The following AMZ1 variants were observed in gnomAD, a reference collection of about 807,000 sequenced individuals.
AMZ1 encodes the protein archaelysin family metallopeptidase 1.
Under a neutral mutation model 29.9 loss-of-function variants are expected in AMZ1, and 39 were observed. The ratio of observed to expected loss-of-function variants is 1.30; its 90% CI spans 1.01 to 1.70. AMZ1 has a LOEUF of 1.70. AMZ1 is among the 40% of genes most tolerant of loss of function. The pLI, the probability that AMZ1 is intolerant of heterozygous loss-of-function variation, is 0.00. For synonymous variants in AMZ1, 458 were observed against 304.0 expected, an observed-to-expected ratio of 1.51 and a Z score of -5.27; for missense variants, 1,041 against 680.6, an observed-to-expected ratio of 1.53 and a Z score of -5.89.
upstream of AMZ1, among the ~76,000 whole-genome samples, chr7:2,683,679 C>T (rs927043253): frequency 6.6e-6 from 1 of 152,088 alleles, no homozygotes; most frequent in Non-Finnish European, 1.5e-5. Flanking sequence ...ACCTCGTGAT[C>T]CGCCTGCCTT....
chr7:2,687,098 G>T (rs1787109151), upstream of AMZ1, among the ~76,000 whole-genome samples: 1 of 151,954 alleles, frequency 6.6e-6, no homozygotes, highest in Non-Finnish European at 1.5e-5. Flanking sequence ...AGAGGCTGAG[G>T]CGGGTGTATC....
chr7:2,751,049 G>C (rs747448724), intron 4 of AMZ1, among the ~76,000 whole-genome samples: 5 of 152,152 alleles, frequency 3.3e-5, no homozygotes, highest in Non-Finnish European at 7.3e-5. Context: ...TTTATCTTGA[G>C]ATGTTGCCAC....
chr7:2,761,631 C>G (rs925881154), upstream of AMZ1, among the ~76,000 whole-genome samples: 8 of 152,206 alleles, frequency 5.3e-5, no homozygotes, highest in African/African-American at 1.9e-4. Context: ...GAACCGGCCT[C>G]TCAGGACGGA....
upstream of AMZ1, among the ~76,000 whole-genome samples, chr7:2,687,933 C>G (rs1383494207): frequency 6.6e-6 from 1 of 152,232 alleles, no homozygotes; most frequent in African/African-American, 2.4e-5. Flanking sequence ...GCCGGGTTTA[C>G]TCCTCTCACC....
At position 2,705,097 on chromosome 7, in the gene AMZ1, C is replaced by T. The variant is rs537262164; in HGVS notation, c.472+2208C>T. On this transcript the variant is annotated intron_variant, in intron 3 of 6. Transcript: ENST00000683327. ...TTGTTATTTTTGATTGTTAGTTACGCATCTTATTGGAAAAATTAGTTTAAC... is the reference window on the plus strand; with the variant it reads ...TTGTTATTTTTGATTGTTAGTTACGTATCTTATTGGAAAAATTAGTTTAAC... 2.6e-5 allele frequency among the ~76,000 whole-genome samples: 4 copies of T among 152,352 alleles called. No homozygotes were observed. The South Asian group carries it at 8.3e-4, about 32-fold the overall frequency.
At chr7:2,685,070 T>C (rs183901527), upstream of AMZ1, among the ~76,000 whole-genome samples, 829 of 151,578 alleles carry the variant, frequency 5.5e-3, 6 homozygotes, top group Middle Eastern at 0.031. Context: ...GGAGTTTCAC[T>C]GTGTTAGCCA....
intron 4 of AMZ1, among the ~76,000 whole-genome samples, chr7:2,733,994 G>C (rs1451184563): frequency 1.3e-5 from 2 of 152,236 alleles, no homozygotes; most frequent in African/African-American, 2.4e-5. Flanking sequence ...CCAGTTTCTA[G>C]AAAGAGTCCA....
rs776332801 is a variant in AMZ1 at position 2,700,478 on chromosome 7, G to A, written c.27G>A (p.Glu9=). The A allele has an allele frequency of 1.2e-6, 2 of 1,602,934 alleles. No individual in the cohort carries two copies. Among genetic ancestry groups the A allele is most frequent in the Non-Finnish European group, 1.7e-6 (2 of 1,179,876 alleles). MLQCRPAQ[E]FSFGPRALKD... is the part of the protein sequence containing the mutation. ...TGCTGCAGTGTAGACCCGCACAGGA[G>A]TTCAGCTTCGGGCCCCGGGCCTTGA... Residue 9 remains glutamate, a synonymous_variant, in exon 2 of 7, where the codon GAG becomes GAA. Coordinates refer to ENST00000683327, the MANE Select transcript of AMZ1 (RefSeq NM_001384743.1).
chr7:2,718,037 C>G lies in AMZ1; in HGVS notation c.*5159C>G, dbSNP rs1320309933. Reference sequence around the variant, plus strand: ...TGGCCCTCAGAGGGTCCGCGGCAGCCAGGCCCGTCCAACCTCCTGCCCTCT... The same window carrying G: ...TGGCCCTCAGAGGGTCCGCGGCAGCGAGGCCCGTCCAACCTCCTGCCCTCT... On this transcript the variant is annotated 3_prime_UTR_variant, in exon 7 of 7. Transcript: ENST00000683327. Among the ~76,000 whole-genome samples, 1 of 152,220 alleles carries G rather than the reference C, an allele frequency of 6.6e-6. No individual in the cohort carries two copies. Among genetic ancestry groups the G allele is most frequent in the Non-Finnish European group, 1.5e-5 (1 of 68,036 alleles).
chr7:2,685,165 G>C (rs1787031375), upstream of AMZ1, among the ~76,000 whole-genome samples: 1 of 151,880 alleles, frequency 6.6e-6, no homozygotes, highest in Non-Finnish European at 1.5e-5. Context: ...GCCGCGCCCG[G>C]CCTCGATGCA....
In AMZ1 at chr7:2,709,928, G is replaced by C. The variant is rs113221875; in HGVS notation, c.948+112G>C. 117 of 1,457,520 alleles carry C rather than the reference G, an allele frequency of 8.0e-5. 2 individuals carry two copies. In the African/African-American group the frequency reaches 1.3e-3, roughly 17 times the overall value. 90.3% of individuals were successfully genotyped at this position (1,457,520 alleles called of 1,614,324 possible). ...GGACCGCACACAGGCTTTGTCAACT[G>C]CCGGGTTCCAGGCAGTGCAGAGCCC... On this transcript the variant is annotated intron_variant, in intron 6 of 6. Transcript: ENST00000683327.
intron 1 of AMZ1, among the ~76,000 whole-genome samples, chr7:2,699,214 T>C (rs74384804): frequency 0.02 from 3,056 of 152,244 alleles, 122 homozygotes; most frequent in African/African-American, 0.07. Context: ...GAGACATAAA[T>C]GTAGCCCGGA....
At chr7:2,751,352 C>T (rs1333049289) in intron 4 of AMZ1, among the ~76,000 whole-genome samples, 1 of 148,668 alleles carries the variant, frequency 6.7e-6, no homozygotes, top group Non-Finnish European at 1.5e-5. Context: ...GACTGCACCA[C>T]TGCAATCCAG....
rs796501561 is a variant in AMZ1 at position 2,716,025 on chromosome 7, T to C, written c.*3147T>C. 3.4e-4 allele frequency: 52 copies of C among 152,324 alleles called. No individual in the cohort carries two copies. The highest frequency in any genetic ancestry group is 8.7e-4 in the African/African-American group (36 of 41,562). 9.4% of individuals were successfully genotyped at this position (152,324 alleles called of 1,614,324 possible). On this transcript the variant is annotated 3_prime_UTR_variant, in exon 7 of 7. Transcript: ENST00000683327. ...CTTCCAGCTTGACGATGACCTCTCT[T>C]CGGAGAGCCTCACCCATCTTGGTAA...
chr7:2,723,589 C>G (rs1196184002), downstream of AMZ1, among the ~76,000 whole-genome samples: 1 of 152,180 alleles, frequency 6.6e-6, no homozygotes. Flanking sequence ...GCCACAGTCT[C>G]GAGGGGTTCA....
At chr7:2,720,249 C>T (rs1789361481), downstream of AMZ1, among the ~76,000 whole-genome samples, 4 of 152,226 alleles carry the variant, frequency 2.6e-5, no homozygotes, top group South Asian at 8.3e-4. Flanking sequence ...TTAGTCACTG[C>T]TGGAGGCTTT....
chr7:2,738,797 G>A (rs750230652), intron 4 of AMZ1, among the ~76,000 whole-genome samples: 3 of 152,152 alleles, frequency 2.0e-5, no homozygotes, highest in East Asian at 1.9e-4. Flanking sequence ...GGTTAGAGGC[G>A]GAACCTAGAA....
upstream of AMZ1, among the ~76,000 whole-genome samples, chr7:2,687,849 G>A (rs537741309): frequency 6.7e-6 from 1 of 150,084 alleles, no homozygotes; most frequent in Non-Finnish European, 1.5e-5. Context: ...ACCTCGTGGC[G>A]CTGGTTCACC....
chr7:2,732,096 TAA>T (rs747835122), intron 4 of AMZ1, among the ~76,000 whole-genome samples: 7 of 152,346 alleles, frequency 4.6e-5, no homozygotes, highest in Non-Finnish European at 8.8e-5. Context: ...TTCTAACTCC[TAA>T]AGCTTATAGC....
Sources: allele counts gnomAD v4.1 joint callset (sites outside exome capture counted in the v4.1 genomes callset), GRCh38; gene constraint gnomAD v4.1.1; transcripts MANE v1.5; gene names NCBI Gene and HGNC (gene_info 2026-07-23, HGNC 2026-07-21).